Variants in MIA2 observed in about 807,000 individuals in gnomAD.
MIA2 encodes the protein melanoma inhibitory activity protein 2.
Under a neutral mutation model 167.8 loss-of-function variants are expected in MIA2, and 127 were observed. The ratio of observed to expected loss-of-function variants is 0.76; its 90% confidence interval spans 0.66 to 0.88. MIA2 has a LOEUF of 0.88. Among genes scored for constraint, MIA2 ranks in the 40% least tolerant of loss-of-function variants. MIA2 has a pLI of 0.00. For missense variants in MIA2, 1,690 were observed against 1,624.7 expected, an observed-to-expected ratio of 1.04 and a Z score of -0.69; for synonymous variants, 552 against 541.9, an observed-to-expected ratio of 1.02 and a Z score of -0.26.
intron 23 of MIA2, among the ~76,000 whole-genome samples, chr14:39,358,303 T>C (rs912171605): frequency 6.6e-6 from 1 of 152,246 alleles, no homozygotes; most frequent in Non-Finnish European, 1.5e-5. Context: ...TTCATTCATT[T>C]AATCTTCCAT....
intron 14 of MIA2, among the ~76,000 whole-genome samples, chr14:39,301,744 A>G (rs972238395): frequency 6.6e-6 from 1 of 152,212 alleles, no homozygotes; most frequent in Non-Finnish European, 1.5e-5. Context: ...AAAATCTACG[A>G]TCTTTTTATA....
intron 23 of MIA2, among the ~76,000 whole-genome samples, chr14:39,377,725 C>T (rs926530383): frequency 1.3e-5 from 2 of 151,716 alleles, no homozygotes; most frequent in East Asian, 3.9e-4. Flanking sequence ...GCATAAAGTA[C>T]AGCAAGAATA....
intron 24 of MIA2, among the ~76,000 whole-genome samples, chr14:39,323,713 A>G (rs147035402): frequency 4.3e-4 from 65 of 152,338 alleles, no homozygotes; most frequent in African/African-American, 1.5e-3. Flanking sequence ...AAATAAGGGT[A>G]TAATTGGCTA....
At chr14:39,363,546 TG>T (rs1374327906) in intron 23 of MIA2, among the ~76,000 whole-genome samples, 1 of 152,066 alleles carries the variant, frequency 6.6e-6, no homozygotes, top group African/African-American at 2.4e-5. Context: ...AAAAATCTGA[TG>T]TTTCTTTGTT....
Position 39,237,055 on chromosome 14 carries a change from T to C in MIA2, c.249T>C (p.Ser83=). The change falls in exon 2 of 29, where the codon AGT becomes AGC. Residue 83 remains serine, a splice_region_variant and synonymous_variant. Coordinates refer to ENST00000640607, the MANE Select transcript of MIA2 (RefSeq NM_001329214.4). ...AGEREDLWAG[S]KGKEFGYFPR... ...AAAGGGAAGATTTGTGGGCAGGAAG[T>C]GTAAGTAACTACTTTTAAAAATTGA... 1.2e-6 allele frequency: 2 copies of C among 1,611,902 alleles called. No homozygotes were observed. The highest frequency in any genetic ancestry group is 2.2e-5 in the East Asian group (1 of 44,866).
At chr14:39,283,138 T>A (rs1040850105) in intron 9 of MIA2, among the ~76,000 whole-genome samples, 10 of 152,256 alleles carry the variant, frequency 6.6e-5, no homozygotes, top group African/African-American at 2.4e-4. Flanking sequence ...ATTCGTTTGT[T>A]CATTGATAGA....
rs773855574 is a variant in MIA2 at position 39,276,934 on chromosome 14, G to A, written c.1888G>A (p.Val630Ile). The A allele has an allele frequency of 1.9e-6, 3 of 1,608,904 alleles. No homozygotes were observed. Among genetic ancestry groups the A allele is most frequent in the Non-Finnish European group, 2.5e-6 (3 of 1,178,930 alleles). Residue 630 changes from valine to isoleucine, a missense_variant and splice_region_variant, in exon 7 of 29, where the codon GTT becomes ATT. By Grantham distance (29) the Val-to-Ile change is conservative. Transcript: ENST00000640607. The part of the protein sequence containing the change: ...FSPIVILTER[V>I]VAALPEGMRP... Reference sequence around the variant, plus strand: ...GAACTTACTTTTCTTTATCTTGAAGGTTGTGGCAGCACTGCCTGAAGGTAT... The same window carrying A: ...GAACTTACTTTTCTTTATCTTGAAGATTGTGGCAGCACTGCCTGAAGGTAT...
chr14:39,384,834 G>A (rs552568666), intron 23 of MIA2, among the ~76,000 whole-genome samples: 5 of 152,150 alleles, frequency 3.3e-5, no homozygotes, highest in East Asian at 1.9e-4. Flanking sequence ...TCTACACAGC[G>A]CCCTGAGAAT....
chr14:39,335,831 T>C (rs1419122590), intron 25 of MIA2, among the ~76,000 whole-genome samples: 1 of 152,216 alleles, frequency 6.6e-6, no homozygotes, highest in Non-Finnish European at 1.5e-5. Flanking sequence ...ACCCAGTGTT[T>C]AGCTACCACT....
intron 9 of MIA2, among the ~76,000 whole-genome samples, chr14:39,288,457 A>ATTTTTTTTT (rs1566747630): frequency 1.2e-4 from 2 of 16,580 alleles, no homozygotes; most frequent in African/African-American, 3.0e-4. Flanking sequence ...ATATATATAT[A>ATTTTTTTTT]TATATATATA....
intron 23 of MIA2, among the ~76,000 whole-genome samples, chr14:39,364,333 G>C (rs1377265274): frequency 2.0e-5 from 3 of 151,626 alleles, no homozygotes; most frequent in African/African-American, 7.3e-5. Flanking sequence ...TTGTGCCACT[G>C]CACTCCAACC....
chr14:39,307,908 A>G (rs2063623991), intron 17 of MIA2, among the ~76,000 whole-genome samples: 1 of 152,024 alleles, frequency 6.6e-6, no homozygotes, highest in Non-Finnish European at 1.5e-5. Flanking sequence ...ACAAGTAAAG[A>G]GTGGAATAGT....
intron 15 of MIA2, among the ~76,000 whole-genome samples, chr14:39,303,227 C>T (rs893937489): frequency 6.6e-6 from 1 of 151,910 alleles, no homozygotes; most frequent in Non-Finnish European, 1.5e-5. Flanking sequence ...AATATAGAAT[C>T]CTTGTTATAA....
In MIA2 at chr14:39,385,258, G is replaced by A. The variant is rs559821176; in HGVS notation, c.2249-1627G>A. 40 of 583,874 alleles carry A rather than the reference G, an allele frequency of 6.9e-5. 1 individual carries two copies. The highest frequency in any genetic ancestry group is 4.5e-4 in the South Asian group (21 of 46,982). The allele number at this position is 583,874 out of a possible 1,614,324, so 36.2% of individuals were successfully genotyped here. A position where few individuals can be genotyped will look rare whatever the true frequency, so the allele number is the denominator to read the frequency against. On this transcript the variant is annotated intron_variant, in intron 23 of 23. Coordinates refer to the MIA2 transcript ENST00000341502. ...CACCCATGTCATTTTAAATGATGAG[G>A]TAGGTTGTTTCCTATGCAGTAAAGT...
At chr14:39,271,506 ATTTTAGGAATTCAG>A (rs1403988502) in intron 6 of MIA2, among the ~76,000 whole-genome samples, 1 of 152,092 alleles carries the variant, frequency 6.6e-6, no homozygotes, top group Non-Finnish European at 1.5e-5. Context: ...TTCTATATAA[ATTTTAGGAATTCAG>A]TTTTAGGAAT....
intron 25 of MIA2, among the ~76,000 whole-genome samples, chr14:39,335,808 T>C (rs1041538347): frequency 1.3e-5 from 2 of 152,214 alleles, no homozygotes; most frequent in Admixed American, 1.3e-4. Context: ...TTATCATCTT[T>C]ATATCCATGT....
At chr14:39,318,140 T>A in intron 22 of MIA2, 129 bp downstream of exon 22, 2 of 632,294 alleles carry the variant, frequency 3.2e-6, no homozygotes, top group Admixed American at 7.1e-5. Flanking sequence ...TCTATTAGTT[T>A]TACTAGGAAT....
intron 6 of MIA2, among the ~76,000 whole-genome samples, chr14:39,271,096 G>A (rs1385346238): frequency 6.6e-6 from 1 of 152,080 alleles, no homozygotes; most frequent in Admixed American, 6.5e-5. Context: ...AGCTCTTACG[G>A]GAAGTTCTTC....
intron 28 of MIA2, among the ~76,000 whole-genome samples, chr14:39,349,463 G>A (rs2074077384): frequency 1.3e-5 from 2 of 152,070 alleles, no homozygotes; most frequent in African/African-American, 4.8e-5. Context: ...TTCTTTTAAA[G>A]CTTCACATAA....
Sources: gnomAD v4.1 joint callset for allele counts (sites outside exome capture counted in the v4.1 genomes callset) on GRCh38, gnomAD v4.1.1 for gene constraint, MANE v1.5 for transcripts, NCBI Gene and HGNC (gene_info 2026-07-23, HGNC 2026-07-21) for gene names.